ATP8A2: variants seen among roughly 807,000 people sequenced by gnomAD.
The protein encoded by ATP8A2 is ATPase phospholipid transporting 8A2.
A neutral mutation model predicts 165.6 loss-of-function variants in ATP8A2; 100 were observed. The observed-to-expected ratio is 0.60, with a 90% confidence interval of 0.51 to 0.71. The LOEUF is 0.71. ATP8A2 is among the 30% of genes least tolerant of loss of function. The pLI is 0.00. For missense variants in ATP8A2, 1,227 were observed against 1,479.5 expected (o/e 0.83, Z 2.80); for synonymous variants, 543 against 548.8 (o/e 0.99, Z 0.15).
At chr13:25,435,614 GT>G (rs1239210642) in intron 1 of ATP8A2, among the ~76,000 whole-genome samples, 1 of 151,868 alleles carries the variant, frequency 6.6e-6, no homozygotes, top group Non-Finnish European at 1.5e-5. Context: ...GTTACTTCTT[GT>G]TTTTATGTTG....
At chr13:25,882,894 AG>A (rs1953022317) in intron 33 of ATP8A2, among the ~76,000 whole-genome samples, 1 of 147,246 alleles carries the variant, frequency 6.8e-6, no homozygotes, top group African/African-American at 2.5e-5. Context: ...CCTGTGCCTG[AG>A]ATGATGATGA....
At chr13:25,538,148 C>T in intron 7 of ATP8A2, 87 bp downstream of exon 7, 1 of 853,806 alleles carries the variant, frequency 1.2e-6, no homozygotes, top group Non-Finnish European at 1.9e-6. Context: ...CTTGAGCAGC[C>T]TGTTCCCTTC....
At chr13:25,707,614 C>T (rs1225866716) in intron 25 of ATP8A2, among the ~76,000 whole-genome samples, 1 of 152,128 alleles carries the variant, frequency 6.6e-6, no homozygotes, top group East Asian at 1.9e-4. Flanking sequence ...AGTGAATAGA[C>T]GTGGATAACA....
chr13:25,469,208 A>G (rs1233706660), intron 2 of ATP8A2, 87 bp downstream of exon 2: 4 of 1,496,450 alleles, frequency 2.7e-6, no homozygotes, highest in Non-Finnish European at 3.6e-6. Flanking sequence ...TTGGCCGCGC[A>G]CCTGGCCGGC....
At chr13:25,774,823 T>G in intron 26 of ATP8A2, 26 bp from the exon 27 acceptor site, 12 of 1,385,114 alleles carry the variant, frequency 8.7e-6, no homozygotes, top group Non-Finnish European at 1.2e-5. Context: ...TGGGCTCTTC[T>G]GAGCTTTGTA....
chr13:25,603,274 G>T (rs1194909397), intron 24 of ATP8A2, among the ~76,000 whole-genome samples: 2 of 151,964 alleles, frequency 1.3e-5, no homozygotes, highest in Non-Finnish European at 2.9e-5. Context: ...GGTCGCTTGA[G>T]CCCAGGAGTT....
intron 25 of ATP8A2, among the ~76,000 whole-genome samples, chr13:25,724,634 C>A (rs2043454715): frequency 6.6e-6 from 1 of 152,216 alleles, no homozygotes; most frequent in Non-Finnish European, 1.5e-5. Context: ...TTCACATTGA[C>A]TTCTTTGGGC....
At chr13:25,828,378 G>C (rs926315438) in intron 28 of ATP8A2, among the ~76,000 whole-genome samples, 186 bp downstream of exon 28, 2 of 152,116 alleles carry the variant, frequency 1.3e-5, no homozygotes, top group African/African-American at 4.8e-5. Context: ...CTCCACACAT[G>C]GTTTCAATCA....
At chr13:25,671,004 A>G (rs774694074) in intron 24 of ATP8A2, among the ~76,000 whole-genome samples, 9 of 152,226 alleles carry the variant, frequency 5.9e-5, no homozygotes, top group Non-Finnish European at 1.2e-4. Context: ...ATAGTGGAGC[A>G]GTGTTGCGGG....
intron 1 of ATP8A2, among the ~76,000 whole-genome samples, chr13:25,451,706 C>A (rs990418012): frequency 1.3e-5 from 2 of 152,076 alleles, no homozygotes; most frequent in Non-Finnish European, 2.9e-5. Context: ...TGTCACCTAA[C>A]ATGGAGTTTT....
At chr13:25,731,537 T>G (rs935105537) in intron 25 of ATP8A2, among the ~76,000 whole-genome samples, 1 of 152,252 alleles carries the variant, frequency 6.6e-6, no homozygotes, top group Admixed American at 6.5e-5. Flanking sequence ...TGCTTTTTAT[T>G]TGGGGTAAAT....
intron 25 of ATP8A2, among the ~76,000 whole-genome samples, chr13:25,706,446 C>G (rs2043056576): frequency 6.6e-6 from 1 of 152,094 alleles, no homozygotes; most frequent in Non-Finnish European, 1.5e-5. Flanking sequence ...GATTTGGTTC[C>G]TTCCCCAGCT....
intron 25 of ATP8A2, among the ~76,000 whole-genome samples, chr13:25,739,592 A>G (rs1316583313): frequency 2.0e-5 from 3 of 152,156 alleles, no homozygotes; most frequent in African/African-American, 7.2e-5. Flanking sequence ...GATGGAAAAT[A>G]GTGGAAAGAC....
chr13:26,011,834 C>T (rs1956854704), intron 35 of ATP8A2, among the ~76,000 whole-genome samples: 1 of 152,122 alleles, frequency 6.6e-6, no homozygotes. Flanking sequence ...ACTCAGGAGG[C>T]TGAGGTGGGA....
chr13:25,850,495 T>C (rs1468570801), intron 30 of ATP8A2, among the ~76,000 whole-genome samples: 1 of 143,692 alleles, frequency 7.0e-6, no homozygotes. Context: ...AATATCCATC[T>C]CTGCCCCCCA....
chr13:25,386,740 T>G (rs1368018619), intron 1 of ATP8A2, among the ~76,000 whole-genome samples: 1 of 152,114 alleles, frequency 6.6e-6, no homozygotes, highest in Non-Finnish European at 1.5e-5. Context: ...CTCACGCCTG[T>G]AATCCCAGCA....
chr13:25,392,923 C>A (rs202008778), intron 1 of ATP8A2, among the ~76,000 whole-genome samples: 15 of 137,938 alleles, frequency 1.1e-4, no homozygotes, highest in South Asian at 2.4e-4. Context: ...AAAAAAAAAA[C>A]AAAAAAGAAA....
At chr13:25,588,081 C>CT (rs776062592) in intron 23 of ATP8A2, among the ~76,000 whole-genome samples, 2 of 152,202 alleles carry the variant, frequency 1.3e-5, no homozygotes, top group Non-Finnish European at 2.9e-5. Context: ...GAGAAATAAT[C>CT]TGATTCCCTT....
At chr13:25,519,966 T>C (rs2037609453) in intron 2 of ATP8A2, among the ~76,000 whole-genome samples, 1 of 152,242 alleles carries the variant, frequency 6.6e-6, no homozygotes, top group Non-Finnish European at 1.5e-5. Context: ...GTACATGTAA[T>C]AATTTGATAC....
Sources: gnomAD v4.1 joint callset for allele counts (sites outside exome capture counted in the v4.1 genomes callset) on GRCh38, gnomAD v4.1.1 for gene constraint, MANE v1.5 for transcripts, NCBI Gene and HGNC (gene_info 2026-07-23, HGNC 2026-07-21) for gene names.